The following CYP4B1 variants were observed in gnomAD, a reference collection of about 807,000 sequenced individuals.
CYP4B1 encodes cytochrome P450 4B1.
CYP4B1 carries 45 observed loss-of-function variants against 54.0 expected under a neutral mutation model. That is an observed-to-expected ratio of 0.83 (90% confidence interval 0.66 to 1.07). The LOEUF is 1.07. Ranked by LOEUF, CYP4B1 falls within the 50% of genes least tolerant of loss-of-function variation. CYP4B1 has a pLI of 0.00. For synonymous variants in CYP4B1, 248 were observed against 247.5 expected (o/e 1.00, Z -0.02); for missense variants, 656 against 655.4 (o/e 1.00, Z -0.01).
At chr1:46,813,710 C>A in intron 5 of CYP4B1, 104 bp downstream of exon 5, 1 of 1,519,980 alleles carries the variant, frequency 6.6e-7, no homozygotes, top group Non-Finnish European at 8.9e-7. Flanking sequence ...TAGGGTCCTG[C>A]CCCAGGGAGC....
chr1:46,799,302 C>G (rs753690888), intron 1 of CYP4B1, 41 bp downstream of exon 1: 2 of 1,532,164 alleles, frequency 1.3e-6, no homozygotes, highest in Non-Finnish European at 1.8e-6. Context: ...AGAAAACATC[C>G]TCCCTCCTTT....
intron 10 of CYP4B1, 30 bp downstream of exon 10, chr1:46,818,059 C>T (rs772948119): frequency 1.2e-6 from 2 of 1,613,554 alleles, no homozygotes; most frequent in Admixed American, 1.7e-5. Context: ...GGAGATCAGA[C>T]AGGGTGGGGG....
intron 1 of CYP4B1, among the ~76,000 whole-genome samples, chr1:46,799,657 T>G (rs183199365): frequency 3.2e-4 from 48 of 152,304 alleles, no homozygotes; most frequent in African/African-American, 8.7e-4. Flanking sequence ...TTGTGTGTAG[T>G]GTAAAGATTT....
At chr1:46,814,433 C>T (rs1679250711) in intron 7 of CYP4B1, 118 bp downstream of exon 7, 21 of 741,990 alleles carry the variant, frequency 2.8e-5, no homozygotes, top group Non-Finnish European at 4.5e-5. Flanking sequence ...GCAAATATAA[C>T]CTGTTCCTCG....
At chr1:46,817,579 G>C (rs1229025142) in intron 9 of CYP4B1, among the ~76,000 whole-genome samples, 1 of 152,132 alleles carries the variant, frequency 6.6e-6, no homozygotes, top group Non-Finnish European at 1.5e-5. Flanking sequence ...GCCTGTACCT[G>C]GTTCATAGCA....
In CYP4B1 at chr1:46,799,126, G is replaced by A; in HGVS notation, c.45G>A (p.Leu15=). ...CCCTGAGCTTCTCCTCCTTGGGCCT[G>A]TGGGCTTCTGGGCTGATCTTGGTCT... The part of the protein sequence containing the change: ...FLSLSFSSLG[L]WASGLILVLG... Residue 15 remains leucine (L), a synonymous_variant, in exon 1 of 12, where the codon CTG becomes CTA. Coordinates refer to ENST00000371923, the MANE Select transcript of CYP4B1 (RefSeq NM_001099772.2). 1 of 1,614,032 alleles carries A rather than the reference G, an allele frequency of 6.2e-7. No individual in the cohort carries two copies. Among genetic ancestry groups the A allele is most frequent in the Non-Finnish European group, 8.5e-7 (1 of 1,179,974 alleles).
intron 1 of CYP4B1, among the ~76,000 whole-genome samples, chr1:46,804,320 A>G (rs1030199298): frequency 5.3e-5 from 8 of 152,242 alleles, no homozygotes; most frequent in African/African-American, 1.9e-4. Context: ...ATCACAAGGA[A>G]TTGGAAACAG....
At chr1:46,802,829 G>A (rs1370138521) in intron 1 of CYP4B1, among the ~76,000 whole-genome samples, 2 of 152,204 alleles carry the variant, frequency 1.3e-5, no homozygotes, top group Admixed American at 1.3e-4. Flanking sequence ...GGGAGTCAGG[G>A]AAGGTCCAGG....
At chr1:46,802,288 G>A (rs1015913716) in intron 1 of CYP4B1, among the ~76,000 whole-genome samples, 1 of 152,170 alleles carries the variant, frequency 6.6e-6, no homozygotes, top group South Asian at 2.1e-4. Context: ...TTTGCTGTGA[G>A]AGTGCCCTTG....
intron 3 of CYP4B1, 132 bp downstream of exon 3, chr1:46,811,316 C>A: frequency 1.1e-6 from 1 of 902,462 alleles, no homozygotes; most frequent in Non-Finnish European, 1.8e-6. Context: ...CTAAGCTCAG[C>A]TGCTCAGTGG....
At position 46,807,156 on chromosome 1, in the gene CYP4B1, C is replaced by T. The variant is rs1355479018; in HGVS notation, c.181-3652C>T. The stretch of plus-strand genomic sequence containing the variant: ...AGTTTTCTTTATTTCTTAAATAAAT[C>T]TAAAGAGCTAGGAGAAAGCTGGGCA... On this transcript the variant is annotated intron_variant, in intron 1 of 11. Transcript: ENST00000371923. Among the ~76,000 whole-genome samples, 16 of 152,274 alleles carry T rather than the reference C, an allele frequency of 1.1e-4. No individual in the cohort carries two copies. In the East Asian group the frequency reaches 3.1e-3, roughly 29 times the overall value.
In CYP4B1 at chr1:46,818,247, A is replaced by G. The variant is rs769733939; in HGVS notation, c.1355+34A>G. 9.6e-6 allele frequency: 15 copies of G among 1,562,330 alleles called. No homozygotes were observed. In the African/African-American group the frequency reaches 1.4e-4, roughly 14 times the overall value. ...AGACCCAGTATCCCAGGCCCTCAGG[A>G]CTGGGGAGGAGAGGGTGGATGACAT... is the stretch of plus-strand genomic sequence containing the variant. On this transcript the variant is annotated intron_variant, in intron 11 of 11. Transcript: ENST00000371923.
At chr1:46,815,692 T>C (rs941741455) in intron 8 of CYP4B1, among the ~76,000 whole-genome samples, 1 of 152,194 alleles carries the variant, frequency 6.6e-6, no homozygotes, top group Non-Finnish European at 1.5e-5. Context: ...AGCTTCCAGA[T>C]GCCATATCTC....
chr1:46,801,873 G>C (rs2148394644), intron 1 of CYP4B1, among the ~76,000 whole-genome samples: 1 of 152,256 alleles, frequency 6.6e-6, no homozygotes, highest in Non-Finnish European at 1.5e-5. Context: ...TTGATTCTTA[G>C]GCCCAGCAAT....
At chr1:46,811,937 T>C (rs553640198) in intron 3 of CYP4B1, among the ~76,000 whole-genome samples, 14 of 152,286 alleles carry the variant, frequency 9.2e-5, no homozygotes, top group African/African-American at 3.4e-4. Context: ...TCTTTTTAGT[T>C]ATCAATGGGA....
rs370030027 is a variant in CYP4B1 at position 46,813,903 on chromosome 1, G to A, written c.621-6G>A. ...AAGCCAATCCCTCCTCCTACCCTCT[G>A]CTTAGCAGGGACAGCAGCTACTACC... On this transcript the variant is annotated splice_region_variant and splice_polypyrimidine_tract_variant and intron_variant, in intron 5 of 11. Transcript: ENST00000371923. 1 of 1,613,906 alleles carries A rather than the reference G, an allele frequency of 6.2e-7. No homozygotes were observed. The highest frequency in any genetic ancestry group is 1.3e-5 in the African/African-American group (1 of 74,898).
chr1:46,809,181 A>AAAACAAAAC (rs1553131566), intron 1 of CYP4B1, among the ~76,000 whole-genome samples: 6 of 146,558 alleles, frequency 4.1e-5, no homozygotes, highest in African/African-American at 1.5e-4. Flanking sequence ...ATCCTTAAAA[A>AAAACAAAAC]AAAACAAAAC....
intron 9 of CYP4B1, chr1:46,817,484 C>T (rs1679383115): frequency 2.2e-6 from 1 of 464,166 alleles, no homozygotes; most frequent in African/African-American, 2.0e-5. Flanking sequence ...TGAACAGCAC[C>T]AGGGAGCAAC....
chr1:46,811,335 G>A, intron 3 of CYP4B1, 151 bp downstream of exon 3: 2 of 792,696 alleles, frequency 2.5e-6, no homozygotes, highest in Non-Finnish European at 4.3e-6. Flanking sequence ...GGAGAGACAA[G>A]GGAGGAGCAG....
Sources: gnomAD v4.1 joint callset for allele counts (sites outside exome capture counted in the v4.1 genomes callset) on GRCh38, gnomAD v4.1.1 for gene constraint, MANE v1.5 for transcripts, NCBI Gene and HGNC (gene_info 2026-07-23, HGNC 2026-07-21) for gene names.